Variants in NLGN1 observed in about 807,000 individuals in gnomAD.
NLGN1 encodes neuroligin-1.
Under a neutral mutation model 65.5 loss-of-function variants are expected in NLGN1, and 12 were observed. The ratio of observed to expected loss-of-function variants is 0.18; its 90% CI spans 0.12 to 0.30. The LOEUF (loss-of-function observed/expected upper bound fraction) is 0.30, where lower values mean the gene tolerates loss of function less well. NLGN1 is among the 10% of genes least tolerant of loss of function. The probability of loss-of-function intolerance (pLI) is 1.00; values close to 1 mark genes in which losing one functional copy is unlikely to be tolerated. For synonymous variants in NLGN1, 350 were observed against 359.5 expected, an observed-to-expected ratio of 0.97 and a Z score of 0.30; for missense variants, 750 against 1,007.1, an observed-to-expected ratio of 0.74 and a Z score of 3.46.
At chr3:174,083,890 A>C (rs1172944115) in intron 4 of NLGN1, among the ~76,000 whole-genome samples, 1 of 152,182 alleles carries the variant, frequency 6.6e-6, no homozygotes, top group African/African-American at 2.4e-5. Context: ...CAGAGACAGG[A>C]CTGCTGCACA....
chr3:173,846,941 T>C (rs1725902113), intron 4 of NLGN1, among the ~76,000 whole-genome samples: 2 of 152,222 alleles, frequency 1.3e-5, no homozygotes, highest in Admixed American at 1.3e-4. Context: ...GGAATCATGG[T>C]AGTAAATATC....
chr3:173,970,012 A>T (rs1018999304), intron 4 of NLGN1, among the ~76,000 whole-genome samples: 12 of 152,102 alleles, frequency 7.9e-5, no homozygotes, highest in Non-Finnish European at 1.8e-4. Flanking sequence ...TAGTTCACTT[A>T]TATGCACTTG....
intron 4 of NLGN1, among the ~76,000 whole-genome samples, chr3:173,891,986 TC>T (rs1331765843): frequency 6.6e-6 from 1 of 152,182 alleles, no homozygotes; most frequent in Non-Finnish European, 1.5e-5. Flanking sequence ...CAATTATGTT[TC>T]TAGAAGCAGG....
chr3:174,090,299 C>T (rs896175819), intron 4 of NLGN1, among the ~76,000 whole-genome samples: 8 of 151,804 alleles, frequency 5.3e-5, no homozygotes, highest in East Asian at 1.9e-4. Flanking sequence ...GATGAAATCT[C>T]GTCTCTATTA....
intron 4 of NLGN1, among the ~76,000 whole-genome samples, chr3:174,163,078 A>G (rs1219238403): frequency 1.3e-5 from 2 of 151,966 alleles, no homozygotes; most frequent in Non-Finnish European, 2.9e-5. Context: ...TAAGCTTTAC[A>G]AAGAGAATTT....
chr3:173,899,130 C>T (rs1736865752), intron 4 of NLGN1, among the ~76,000 whole-genome samples: 1 of 152,094 alleles, frequency 6.6e-6, no homozygotes, highest in African/African-American at 2.4e-5. Context: ...AACTTTTCCT[C>T]CAGTGTACCA....
exon 7 of NLGN1, chr3:174,283,662 C>A (rs1479610835): frequency 6.6e-6 from 1 of 151,226 alleles, no homozygotes; most frequent in African/African-American, 2.4e-5. Context: ...ATAATCCCCC[C>A]TCCCAATTAT....
At chr3:173,890,390 C>T (rs1048378607) in intron 4 of NLGN1, among the ~76,000 whole-genome samples, 2 of 152,102 alleles carry the variant, frequency 1.3e-5, no homozygotes, top group African/African-American at 2.4e-5. Context: ...GGCCGGAGAC[C>T]GCAGTGTGTG....
At chr3:174,016,896 AC>A (rs1319425588) in intron 4 of NLGN1, among the ~76,000 whole-genome samples, 3 of 152,144 alleles carry the variant, frequency 2.0e-5, no homozygotes, top group African/African-American at 7.2e-5. Flanking sequence ...TTTGCCAGAA[AC>A]ATTGGATTGG....
intron 4 of NLGN1, among the ~76,000 whole-genome samples, chr3:174,042,080 C>A (rs1579951649): frequency 6.6e-6 from 1 of 151,854 alleles, no homozygotes; most frequent in Non-Finnish European, 1.5e-5. Context: ...GATTATTGGA[C>A]TTTTTTATTA....
chr3:173,440,412 C>T (rs1278485159), intron 2 of NLGN1, among the ~76,000 whole-genome samples: 1 of 152,028 alleles, frequency 6.6e-6, no homozygotes. Context: ...GAAGGTTTTC[C>T]ATTTACTTTG....
At chr3:173,909,015 C>A (rs998626289) in intron 4 of NLGN1, among the ~76,000 whole-genome samples, 1 of 152,066 alleles carries the variant, frequency 6.6e-6, no homozygotes, top group Non-Finnish European at 1.5e-5. Flanking sequence ...CACAAAGTAT[C>A]CCTCTCTACC....
At chr3:173,509,402 A>G (rs1295680996) in intron 2 of NLGN1, among the ~76,000 whole-genome samples, 1 of 152,078 alleles carries the variant, frequency 6.6e-6, no homozygotes, top group Non-Finnish European at 1.5e-5. Context: ...TCAAAAATGT[A>G]TTTAGTTCGT....
At chr3:173,415,307 T>G (rs963481124) in intron 1 of NLGN1, among the ~76,000 whole-genome samples, 1 of 152,186 alleles carries the variant, frequency 6.6e-6, no homozygotes, top group African/African-American at 2.4e-5. Context: ...TATTTAAATC[T>G]GAGATGGCAG....
At chr3:174,127,001 C>A (rs1719083394) in intron 4 of NLGN1, among the ~76,000 whole-genome samples, 1 of 152,102 alleles carries the variant, frequency 6.6e-6, no homozygotes, top group Non-Finnish European at 1.5e-5. Flanking sequence ...AGTTTATACA[C>A]TTGCACAGTA....
intron 3 of NLGN1, among the ~76,000 whole-genome samples, chr3:173,619,422 A>G (rs1753645397): frequency 6.6e-6 from 1 of 152,176 alleles, no homozygotes. Flanking sequence ...CCTAGGGGCT[A>G]TGCTGGACCC....
chr3:174,086,284 AATAT>A (rs368979535), intron 4 of NLGN1, among the ~76,000 whole-genome samples: 9 of 5,770 alleles, frequency 1.6e-3, no homozygotes, highest in East Asian at 9.3e-3. Flanking sequence ...TATGTGCATA[AATAT>A]ATATATATTT....
chr3:173,715,507 C>T (rs1395154483), intron 3 of NLGN1, among the ~76,000 whole-genome samples: 1 of 152,080 alleles, frequency 6.6e-6, no homozygotes, highest in Non-Finnish European at 1.5e-5. Context: ...TTGTTTTGCA[C>T]TATTACAGAA....
chr3:173,894,541 A>G (rs557405826), intron 4 of NLGN1, among the ~76,000 whole-genome samples: 1 of 152,266 alleles, frequency 6.6e-6, no homozygotes, highest in East Asian at 1.9e-4. Context: ...CATATAGTAT[A>G]TGAGTGTTCC....
Sources: allele counts gnomAD v4.1 joint callset (sites outside exome capture counted in the v4.1 genomes callset), GRCh38; gene constraint gnomAD v4.1.1; transcripts MANE v1.5; gene names NCBI Gene and HGNC (gene_info 2026-07-23, HGNC 2026-07-21).